PLXNC1: variants seen among roughly 807,000 people sequenced by gnomAD.
PLXNC1 encodes plexin-C1.
A neutral mutation model predicts 178.2 loss-of-function variants in PLXNC1; 75 were observed. That is an observed-to-expected ratio of 0.42 (90% CI 0.35 to 0.51). The LOEUF is 0.51. Among genes scored for constraint, PLXNC1 ranks in the 20% least tolerant of loss-of-function variants. The pLI, the probability that PLXNC1 is intolerant of heterozygous loss-of-function variation, is 0.02. For missense variants in PLXNC1, 1,503 were observed against 1,984.4 expected (o/e 0.76, Z 4.61); for synonymous variants, 790 against 779.9 (o/e 1.01, Z -0.22).
chr12:94,180,045 G>A lies in PLXNC1; in HGVS notation c.1204-1401G>A, dbSNP rs1205490693. Among the ~76,000 whole-genome samples the A allele has an allele frequency of 2.6e-5, 4 of 152,034 alleles. No homozygotes were observed. The East Asian group carries it at 5.8e-4, about 22-fold the overall frequency. ...TAGCACTATAGGATTCGAGTCTCCC[G>A]ATGGCTCTTCATACCCACACTTCAA... On this transcript the variant is annotated intron_variant, in intron 2 of 30. Transcript: ENST00000258526.
intron 11 of PLXNC1, among the ~76,000 whole-genome samples, chr12:94,241,208 A>G (rs1964379323): frequency 1.3e-5 from 2 of 152,064 alleles, no homozygotes; most frequent in Non-Finnish European, 2.9e-5. Context: ...ACTATTATGT[A>G]TTTTTTGCAT....
intron 9 of PLXNC1, among the ~76,000 whole-genome samples, chr12:94,234,844 G>C (rs1470968000): frequency 6.6e-6 from 1 of 152,166 alleles, no homozygotes; most frequent in Non-Finnish European, 1.5e-5. Flanking sequence ...AATATTGAAT[G>C]TGTAGAACCT....
chr12:94,225,216 T>C (rs561411889), intron 7 of PLXNC1, among the ~76,000 whole-genome samples: 3 of 152,310 alleles, frequency 2.0e-5, no homozygotes, highest in Non-Finnish European at 4.4e-5. Flanking sequence ...GCAGGGCACC[T>C]TGGGAGGCTG....
At chr12:94,171,024 T>A (rs1421263668) in intron 2 of PLXNC1, among the ~76,000 whole-genome samples, 1 of 152,200 alleles carries the variant, frequency 6.6e-6, no homozygotes, top group Non-Finnish European at 1.5e-5. Context: ...GATGAGTGTT[T>A]TGACAAGAAC....
intron 23 of PLXNC1, among the ~76,000 whole-genome samples, chr12:94,289,373 A>G (rs1967044814): frequency 6.6e-6 from 1 of 152,214 alleles, no homozygotes; most frequent in South Asian, 2.1e-4. Flanking sequence ...TTGTTGTCAC[A>G]TCGAATCCTA....
intron 4 of PLXNC1, among the ~76,000 whole-genome samples, chr12:94,189,923 C>T (rs1057496020): frequency 3.3e-5 from 5 of 151,936 alleles, no homozygotes; most frequent in Non-Finnish European, 5.9e-5. Context: ...ATTCAAGGAA[C>T]GAAGGGAAGT....
At chr12:94,226,135 C>G (rs1963931635) in intron 7 of PLXNC1, among the ~76,000 whole-genome samples, 4 of 152,198 alleles carry the variant, frequency 2.6e-5, no homozygotes, top group African/African-American at 7.2e-5. Flanking sequence ...GATTATAAAG[C>G]AAACACAGGC....
At chr12:94,155,621 C>A (rs1961138502) in intron 1 of PLXNC1, among the ~76,000 whole-genome samples, 1 of 152,166 alleles carries the variant, frequency 6.6e-6, no homozygotes, top group African/African-American at 2.4e-5. Context: ...CCTAGAAAGC[C>A]CTTTAAAGAC....
In PLXNC1 at chr12:94,227,828, G is replaced by A. The variant is rs745659068; in HGVS notation, c.1980+593G>A. On this transcript the variant is annotated intron_variant, in intron 9 of 30. Transcript: ENST00000258526. The stretch of plus-strand genomic sequence containing the variant: ...CCCCCACGTCAGTCATGTTTGAAAA[G>A]AGGGGACATGTCAACGTAAACATTT... 5.9e-5 allele frequency among the ~76,000 whole-genome samples: 9 copies of A among 152,218 alleles called. No homozygotes were observed. The South Asian group carries it at 1.7e-3, about 28-fold the overall frequency.
intron 4 of PLXNC1, among the ~76,000 whole-genome samples, chr12:94,198,751 T>C (rs1057050944): frequency 6.6e-6 from 1 of 152,146 alleles, no homozygotes; most frequent in Non-Finnish European, 1.5e-5. Context: ...AGGATAACCA[T>C]CTCTGCCTTG....
intron 23 of PLXNC1, among the ~76,000 whole-genome samples, chr12:94,289,164 A>AT (rs879389376): frequency 5.1e-4 from 78 of 152,156 alleles, no homozygotes; most frequent in Non-Finnish European, 6.8e-4. Flanking sequence ...AAGAAATCTT[A>AT]CCTTCACTTG....
At chr12:94,208,321 T>A (rs1025298445) in intron 4 of PLXNC1, among the ~76,000 whole-genome samples, 1 of 152,214 alleles carries the variant, frequency 6.6e-6, no homozygotes, top group African/African-American at 2.4e-5. Flanking sequence ...GGTATTGTGC[T>A]TGGGGATGAC....
rs115479755 is a variant in PLXNC1, at chr12:94,289,843, T to C, written c.3880-4643T>C. Among the ~76,000 whole-genome samples the C allele has an allele frequency of 4.0e-3, 606 of 152,244 alleles. 4 individuals carry two copies. The highest frequency in any genetic ancestry group is 0.014 in the African/African-American group (575 of 41,544). ...TGAAAGTTAGAAATGCACTCACACA[T>C]ACGCGCTCACACACACACACAACTC... On this transcript the variant is annotated intron_variant, in intron 23 of 30. Coordinates refer to ENST00000258526, the MANE Select transcript of PLXNC1 (RefSeq NM_005761.3).
chr12:94,280,804 G>A (rs1379206034), intron 22 of PLXNC1, among the ~76,000 whole-genome samples: 1 of 152,218 alleles, frequency 6.6e-6, no homozygotes, highest in Admixed American at 6.5e-5. Context: ...TGCCGCTGAT[G>A]AGTAGGTAGT....
chr12:94,180,844 A>G (rs1962277593), intron 2 of PLXNC1, among the ~76,000 whole-genome samples: 1 of 152,190 alleles, frequency 6.6e-6, no homozygotes, highest in Non-Finnish European at 1.5e-5. Context: ...AGGGCCAGAC[A>G]TGGTCAGAAA....
chr12:94,176,904 A>G (rs1962069047), intron 2 of PLXNC1, among the ~76,000 whole-genome samples: 2 of 151,708 alleles, frequency 1.3e-5, no homozygotes, highest in Admixed American at 6.6e-5. Context: ...TAACACAAAG[A>G]GCTTTCTAAT....
intron 5 of PLXNC1, among the ~76,000 whole-genome samples, chr12:94,213,734 A>G (rs1433244715): frequency 1.3e-5 from 2 of 152,276 alleles, no homozygotes; most frequent in South Asian, 2.1e-4. Context: ...GCCCATGCCT[A>G]TGTCCTGAAT....
chr12:94,187,767 C>T (rs545067036), intron 4 of PLXNC1, among the ~76,000 whole-genome samples: 5 of 152,208 alleles, frequency 3.3e-5, no homozygotes, highest in South Asian at 2.1e-4. Flanking sequence ...ATGGAGCTAG[C>T]GGCTAACGTA....
chr12:94,154,418 C>T (rs1565783577), intron 1 of PLXNC1, among the ~76,000 whole-genome samples: 1 of 152,186 alleles, frequency 6.6e-6, no homozygotes, highest in South Asian at 2.1e-4. Context: ...CCAAAGCACA[C>T]GGCATTTTCT....
Sources: allele counts gnomAD v4.1 joint callset (sites outside exome capture counted in the v4.1 genomes callset), GRCh38; gene constraint gnomAD v4.1.1; transcripts MANE v1.5; gene names NCBI Gene and HGNC (gene_info 2026-07-23, HGNC 2026-07-21).